DEFB104B: variants seen among roughly 807,000 people sequenced by gnomAD.
DEFB104B encodes the protein defensin beta 104B, also known as beta-defensin 104.
At chr8:7,471,647 CGAGA>C (rs1304649903) in intron 1 of DEFB104B, among the ~76,000 whole-genome samples, 2 of 49,776 alleles carry the variant, frequency 4.0e-5, no homozygotes, top group African/African-American at 2.0e-4. Flanking sequence ...TAAGGTGGAC[CGAGA>C]GAGTCTCGCT....
At chr8:7,472,826 G>T (rs1563350105) in intron 1 of DEFB104B, among the ~76,000 whole-genome samples, 2 of 132,310 alleles carry the variant, frequency 1.5e-5, no homozygotes, top group Non-Finnish European at 3.1e-5. Context: ...ATACGTGTAA[G>T]ATTTGCTTTG....
intron 1 of DEFB104B, among the ~76,000 whole-genome samples, chr8:7,472,481 T>G (rs1298937279): frequency 7.2e-6 from 1 of 139,214 alleles, no homozygotes; most frequent in Admixed American, 7.1e-5. Flanking sequence ...CTAGTTGGTA[T>G]GTCTTACAGT....
At chr8:7,474,682 A>C (rs1277690267) in intron 1 of DEFB104B, among the ~76,000 whole-genome samples, 1 of 141,028 alleles carries the variant, frequency 7.1e-6, no homozygotes, top group South Asian at 2.2e-4. Context: ...CTGCAATGGA[A>C]CAAGCATGGC....
intron 1 of DEFB104B, among the ~76,000 whole-genome samples, chr8:7,472,347 G>C (rs1295888464): frequency 6.2e-4 from 77 of 123,556 alleles, no homozygotes; most frequent in Non-Finnish European, 1.0e-3. Context: ...TAAAATGTTA[G>C]ACTGTCAGTT....
chr8:7,470,992 A>G (rs1810917724), intron 1 of DEFB104B, among the ~76,000 whole-genome samples: 1 of 147,968 alleles, frequency 6.8e-6, no homozygotes, highest in Non-Finnish European at 1.5e-5. Flanking sequence ...CTTCCTTCCC[A>G]TAAGTGAATT....
At chr8:7,474,724 G>A (rs1170957599) in intron 1 of DEFB104B, among the ~76,000 whole-genome samples, 2 of 139,512 alleles carry the variant, frequency 1.4e-5, no homozygotes, top group Admixed American at 7.2e-5. Flanking sequence ...GATTCCATGA[G>A]GAATTGTTAC....
At chr8:7,471,110 G>C (rs1330793916) in intron 1 of DEFB104B, among the ~76,000 whole-genome samples, 1 of 152,092 alleles carries the variant, frequency 6.6e-6, no homozygotes, top group Non-Finnish European at 1.5e-5. Context: ...CTATGCATTT[G>C]TTATTCTTTT....
intron 1 of DEFB104B, among the ~76,000 whole-genome samples, chr8:7,471,225 G>C (rs1447340407): frequency 2.4e-5 from 3 of 124,900 alleles, no homozygotes; most frequent in African/African-American, 9.0e-5. Flanking sequence ...CATAGATATA[G>C]ATATGTATAT....
intron 1 of DEFB104B, among the ~76,000 whole-genome samples, chr8:7,474,151 G>A (rs1427855883): frequency 1.4e-5 from 2 of 141,768 alleles, no homozygotes; most frequent in Non-Finnish European, 3.2e-5. Flanking sequence ...GGTGCTGGGT[G>A]TCTGTCAAAG....
chr8:7,472,536 A>C (rs1810990581), intron 1 of DEFB104B, among the ~76,000 whole-genome samples: 2 of 136,786 alleles, frequency 1.5e-5, no homozygotes, highest in Non-Finnish European at 3.1e-5. Context: ...CCATACACTA[A>C]GGCTGAGTAA....
rs1308212331 is a variant in DEFB104B, at chr8:7,472,355, G to A, written c.59-1839C>T. 6.4e-5 allele frequency among the ~76,000 whole-genome samples: 8 copies of A among 125,166 alleles called. 2 individuals are homozygous for A. The highest frequency in any genetic ancestry group is 2.6e-4 in the African/African-American group (8 of 30,688). The allele number at this position is 125,166 out of a possible 152,430, so 82.1% of individuals were successfully genotyped here. ...CAACCTTTAAAATGTTAGACTGTCAGTTTCAAACAAGCCCTCACAGGCCAT... is the reference window on the plus strand; with the variant it reads ...CAACCTTTAAAATGTTAGACTGTCAATTTCAAACAAGCCCTCACAGGCCAT... On this transcript the variant is annotated intron_variant, in intron 1 of 1. Transcript: ENST00000316169.
chr8:7,473,945 C>T lies in DEFB104B; in HGVS notation c.58+1066G>A, dbSNP rs1431542250. On this transcript the variant is annotated intron_variant, in intron 1 of 1. Transcript: ENST00000316169. ...CTTGGGATCAAAGGTTGAAGAAAAC[C>T]TGTTCTTTGATAAATTGCTATCATA... Among the ~76,000 whole-genome samples, 5 of 140,228 alleles carry T rather than the reference C, an allele frequency of 3.6e-5. 1 individual carries two copies. The highest frequency in any genetic ancestry group is 6.4e-5 in the Non-Finnish European group (4 of 62,628). The allele number at this position is 140,228 out of a possible 152,430, so 92.0% of individuals were successfully genotyped here.
At chr8:7,474,340 C>T (rs199593794) in intron 1 of DEFB104B, among the ~76,000 whole-genome samples, 1 of 144,666 alleles carries the variant, frequency 6.9e-6, no homozygotes, top group Non-Finnish European at 1.5e-5. Context: ...AGATTAGGTG[C>T]TCACTCATAT....
chr8:7,472,779 G>A (rs1810997192), intron 1 of DEFB104B, among the ~76,000 whole-genome samples: 1 of 135,292 alleles, frequency 7.4e-6, no homozygotes, highest in South Asian at 2.7e-4. Flanking sequence ...AGCTTGCTTG[G>A]TTTTATACAT....
chr8:7,471,034 C>T (rs1234662215), intron 1 of DEFB104B, among the ~76,000 whole-genome samples: 5 of 151,798 alleles, frequency 3.3e-5, no homozygotes, highest in Non-Finnish European at 5.9e-5. Context: ...CCTTAAGTTC[C>T]CAATATTGGG....
chr8:7,474,695 G>A (rs1232073021), intron 1 of DEFB104B, among the ~76,000 whole-genome samples: 2 of 140,824 alleles, frequency 1.4e-5, no homozygotes, highest in African/African-American at 5.2e-5. Flanking sequence ...AGCATGGCTA[G>A]TGAGTCCTCA....
At chr8:7,472,393 G>A (rs1232486493) in intron 1 of DEFB104B, among the ~76,000 whole-genome samples, 1 of 132,476 alleles carries the variant, frequency 7.5e-6, no homozygotes, top group Non-Finnish European at 1.6e-5. Flanking sequence ...ATTTAGAGAT[G>A]GGAATGAAGG....
chr8:7,471,149 T>C (rs542446418), intron 1 of DEFB104B, among the ~76,000 whole-genome samples: 1 of 151,418 alleles, frequency 6.6e-6, no homozygotes, highest in Admixed American at 6.6e-5. Flanking sequence ...TGTAGTTATA[T>C]ATCTATGTAT....
At chr8:7,474,433 A>C (rs548951875) in intron 1 of DEFB104B, among the ~76,000 whole-genome samples, 1 of 142,514 alleles carries the variant, frequency 7.0e-6, no homozygotes, top group African/African-American at 2.6e-5. Context: ...ATCTCAGTCT[A>C]AAATTTCCTG....
Sources: allele counts gnomAD v4.1 joint callset (sites outside exome capture counted in the v4.1 genomes callset), GRCh38; gene constraint gnomAD v4.1.1; transcripts MANE v1.5; gene names NCBI Gene and HGNC (gene_info 2026-07-23, HGNC 2026-07-21).